Variants in BACH1 observed in about 807,000 individuals in gnomAD.
BACH1 encodes transcription regulator protein BACH1.
Under a neutral mutation model 52.9 loss-of-function variants are expected in BACH1, and 35 were observed. The ratio of observed to expected loss-of-function variants is 0.66; its 90% CI spans 0.51 to 0.88. The LOEUF is 0.88. Ranked by LOEUF, BACH1 falls within the 40% of genes least tolerant of loss-of-function variation. The probability of loss-of-function intolerance (pLI) is 0.00; values close to 1 mark genes in which losing one functional copy is unlikely to be tolerated. For synonymous variants in BACH1, 321 were observed against 319.6 expected (o/e 1.00, Z -0.05); for missense variants, 808 against 872.6 (o/e 0.93, Z 0.93).
chr21:29,332,794 A>C (rs2089000157), intron 4 of BACH1, among the ~76,000 whole-genome samples: 1 of 152,182 alleles, frequency 6.6e-6, no homozygotes, highest in South Asian at 2.1e-4. Context: ...AGAGCATCTT[A>C]CTGGCTGAAT....
At chr21:29,360,664 G>A (rs573584807) in intron 2 of BACH1, among the ~76,000 whole-genome samples, 1 of 152,058 alleles carries the variant, frequency 6.6e-6, no homozygotes, top group African/African-American at 2.4e-5. Context: ...GGCCAACATG[G>A]CGAAACCCTG....
At chr21:29,352,006 A>C (rs943022872) in intron 2 of BACH1, among the ~76,000 whole-genome samples, 1 of 152,060 alleles carries the variant, frequency 6.6e-6, no homozygotes, top group African/African-American at 2.4e-5. Context: ...TACAGGAACT[A>C]TGGGGAGGAA....
At chr21:29,315,560 A>G (rs961606431) in intron 1 of BACH1, among the ~76,000 whole-genome samples, 1 of 152,162 alleles carries the variant, frequency 6.6e-6, no homozygotes, top group African/African-American at 2.4e-5. Context: ...CTGCTTTTAT[A>G]AAAAGGCTGG....
intron 1 of BACH1, among the ~76,000 whole-genome samples, chr21:29,320,725 C>G (rs1032009409): frequency 5.3e-5 from 8 of 152,138 alleles, no homozygotes; most frequent in African/African-American, 1.9e-4. Context: ...ATTCACTTGC[C>G]ATCTATCAGA....
intron 4 of BACH1, among the ~76,000 whole-genome samples, chr21:29,337,262 G>T (rs895580025): frequency 6.6e-6 from 1 of 152,118 alleles, no homozygotes. Flanking sequence ...TTGGACTTTG[G>T]AAAGCCTACC....
chr21:29,341,373 A>G (rs1026123020), intron 4 of BACH1, among the ~76,000 whole-genome samples: 3 of 152,308 alleles, frequency 2.0e-5, no homozygotes, highest in African/African-American at 7.2e-5. Flanking sequence ...CATAAGAAAA[A>G]CGTTTGACTT....
chr21:29,356,492 T>C (rs1348716087), intron 2 of BACH1, among the ~76,000 whole-genome samples: 1 of 152,268 alleles, frequency 6.6e-6, no homozygotes, highest in Non-Finnish European at 1.5e-5. Context: ...CTACAAGAGT[T>C]TCCTTATCAC....
At chr21:29,328,499 T>G (rs1453838235) in intron 3 of BACH1, among the ~76,000 whole-genome samples, 1 of 152,178 alleles carries the variant, frequency 6.6e-6, no homozygotes, top group Non-Finnish European at 1.5e-5. Context: ...AAATTATTTT[T>G]CTATTTTATC....
At chr21:29,318,378 C>T (rs1266167676) in intron 1 of BACH1, among the ~76,000 whole-genome samples, 1 of 152,136 alleles carries the variant, frequency 6.6e-6, no homozygotes. Context: ...GAGTGAGTCC[C>T]AGATTTCTTG....
At chr21:29,303,380 T>C (rs1257736771) in intron 1 of BACH1, among the ~76,000 whole-genome samples, 3 of 152,238 alleles carry the variant, frequency 2.0e-5, no homozygotes, top group Non-Finnish European at 2.9e-5. Context: ...CCTATGGCAC[T>C]CTGAATGTGC....
At chr21:29,329,801 T>A in intron 4 of BACH1, 108 bp downstream of exon 4, 2 of 787,502 alleles carry the variant, frequency 2.5e-6, no homozygotes, top group Non-Finnish European at 3.7e-6. Flanking sequence ...TTACTTATTT[T>A]AATATGTATC....
At position 29,326,358 on chromosome 21, in the gene BACH1, T is replaced by C. The variant is rs2088910704; in HGVS notation, c.534T>C (p.Asn178=). Residue 178 remains asparagine, a synonymous_variant, in exon 3 of 5, where the codon AAT becomes AAC. Transcript: ENST00000286800. ...DEVEEFLENK[N]VQTPQCKLRR... ...TGGAGGAATTTCTGGAAAATAAAAA[T>C]GTTCAGACTCCTCAGTGTAAACTCC... is the stretch of plus-strand genomic sequence containing the variant. 1 of 1,614,034 alleles carries C rather than the reference T, an allele frequency of 6.2e-7. No homozygotes were observed.
At chr21:29,357,386 G>C (rs989743443) in intron 2 of BACH1, among the ~76,000 whole-genome samples, 2 of 152,204 alleles carry the variant, frequency 1.3e-5, no homozygotes, top group African/African-American at 4.8e-5. Flanking sequence ...TTTGTTGGCA[G>C]TCACGCTCGA....
chr21:29,325,990 AC>A (rs1212087723), intron 2 of BACH1, 68 bp from the exon 3 acceptor site: 16 of 1,417,814 alleles, frequency 1.1e-5, no homozygotes, highest in African/African-American at 1.4e-5. Flanking sequence ...TTCCTCTTCT[AC>A]TTATTTTGTT....
chr21:29,335,095 T>C (rs550903952), intron 4 of BACH1, among the ~76,000 whole-genome samples: 2 of 152,340 alleles, frequency 1.3e-5, no homozygotes, highest in South Asian at 4.1e-4. Context: ...AAATGTCATG[T>C]ACGTTTTAAA....
At chr21:29,300,548 C>T (rs767674199) in intron 1 of BACH1, among the ~76,000 whole-genome samples, 16 of 152,144 alleles carry the variant, frequency 1.1e-4, no homozygotes, top group Non-Finnish European at 1.9e-4. Flanking sequence ...AGCCTCGTGA[C>T]CTGCTGTCTG....
downstream of BACH1, among the ~76,000 whole-genome samples, chr21:29,346,970 G>C (rs2089172906): frequency 6.6e-6 from 1 of 152,190 alleles, no homozygotes; most frequent in African/African-American, 2.4e-5. Flanking sequence ...GCCCCCACTT[G>C]AGTGTTCACC....
intron 4 of BACH1, among the ~76,000 whole-genome samples, chr21:29,332,123 CAG>C: frequency 6.6e-6 from 1 of 152,164 alleles, no homozygotes. Context: ...TAGTGGAGAA[CAG>C]GGGCTTCACC....
chr21:29,329,458 T>C (rs772982187), intron 3 of BACH1, 29 bp from the exon 4 acceptor site: 28 of 1,460,788 alleles, frequency 1.9e-5, no homozygotes, highest in Non-Finnish European at 2.5e-5. Context: ...AATACAGCAA[T>C]AATTAGTAAT....
Sources: gnomAD v4.1 joint callset for allele counts (sites outside exome capture counted in the v4.1 genomes callset) on GRCh38, gnomAD v4.1.1 for gene constraint, MANE v1.5 for transcripts, NCBI Gene and HGNC (gene_info 2026-07-23, HGNC 2026-07-21) for gene names.